IL23R: variants seen among roughly 807,000 people sequenced by gnomAD.
The protein encoded by IL23R is interleukin-23 receptor.
A neutral mutation model predicts 56.9 loss-of-function variants in IL23R; 34 were observed. That is an observed-to-expected ratio of 0.60 (90% CI 0.45 to 0.80). The LOEUF (loss-of-function observed/expected upper bound fraction) is 0.80, where lower values mean the gene tolerates loss of function less well. IL23R is among the 30% of genes least tolerant of loss of function. The pLI is 0.00. For missense variants in IL23R, 635 were observed against 730.0 expected (o/e 0.87, Z 1.50); for synonymous variants, 230 against 249.2 (o/e 0.92, Z 0.73).
At chr1:67,253,757 A>AT (rs1652784808) in intron 9 of IL23R, among the ~76,000 whole-genome samples, 1 of 152,206 alleles carries the variant, frequency 6.6e-6, no homozygotes, top group Non-Finnish European at 1.5e-5. Context: ...TTAATACCCC[A>AT]TAAAAAAATC....
chr1:67,189,071 A>C (rs915400732), intron 4 of IL23R, among the ~76,000 whole-genome samples: 1 of 152,046 alleles, frequency 6.6e-6, no homozygotes, highest in African/African-American at 2.4e-5. Flanking sequence ...TTTTTAAGTA[A>C]TACAATAATT....
chr1:67,171,524 C>G (rs1217533665), intron 3 of IL23R, among the ~76,000 whole-genome samples: 1 of 152,178 alleles, frequency 6.6e-6, no homozygotes, highest in Non-Finnish European at 1.5e-5. Flanking sequence ...TTTATAAAAA[C>G]TACCAGATTG....
intron 6 of IL23R, among the ~76,000 whole-genome samples, chr1:67,217,344 T>G (rs1649913938): frequency 6.6e-6 from 1 of 152,196 alleles, no homozygotes; most frequent in African/African-American, 2.4e-5. Context: ...TATCATGTTG[T>G]ACTTGCAGGG....
intron 1 of IL23R, among the ~76,000 whole-genome samples, chr1:67,159,616 T>C (rs1411905376): frequency 6.6e-6 from 1 of 152,128 alleles, no homozygotes; most frequent in Non-Finnish European, 1.5e-5. Flanking sequence ...AAATAATAAT[T>C]CTCATGCAGT....
rs1653087119 is a variant in IL23R, at chr1:67,258,723, A to G, written c.1485A>G (p.Gly495=). 6.2e-7 allele frequency: 1 copy of G among 1,613,742 alleles called. No individual in the cohort carries two copies. The highest frequency in any genetic ancestry group is 1.3e-5 in the African/African-American group (1 of 75,014). ...KPQISNFLPE[G]SHLSNNNEIT... ...AAATTTCAAATTTTCTGCCTGAGGG[A>G]AGCCATCTCAGCAATAATAATGAAA... Residue 495 remains glycine, a synonymous_variant, in exon 11 of 11, where the codon GGA becomes GGG. Transcript: ENST00000347310.
intron 1 of IL23R, among the ~76,000 whole-genome samples, chr1:67,150,632 A>G (rs1359928290): frequency 2.8e-5 from 4 of 143,922 alleles, no homozygotes; most frequent in Non-Finnish European, 6.0e-5. Context: ...CGTTCTGCAC[A>G]TGTATCCTGG....
chr1:67,237,579 T>C (rs1022173159), intron 8 of IL23R, among the ~76,000 whole-genome samples: 35 of 152,344 alleles, frequency 2.3e-4, no homozygotes, highest in African/African-American at 7.5e-4. Flanking sequence ...TCCTTTTCTT[T>C]CAATGTCCTG....
At chr1:67,167,327 T>G (rs1646885425) in intron 1 of IL23R, among the ~76,000 whole-genome samples, 1 of 152,196 alleles carries the variant, frequency 6.6e-6, no homozygotes, top group African/African-American at 2.4e-5. Flanking sequence ...GGCCTCTGCC[T>G]CCCAAAGTGC....
chr1:67,167,961 T>G (rs1466442800), intron 1 of IL23R, 131 bp from the exon 2 acceptor site: 5 of 626,356 alleles, frequency 8.0e-6, no homozygotes, highest in African/African-American at 1.8e-5. Context: ...CCTTTCTTCC[T>G]TCCTTCTTTC....
chr1:67,162,132 T>C (rs1435506471), upstream of IL23R, among the ~76,000 whole-genome samples: 6 of 151,972 alleles, frequency 3.9e-5, no homozygotes, highest in African/African-American at 1.4e-4. Context: ...ATATAAATTT[T>C]ATCCAATGTT....
At chr1:67,139,677 C>A (rs1471777006) in intron 1 of IL23R, among the ~76,000 whole-genome samples, 1 of 152,142 alleles carries the variant, frequency 6.6e-6, no homozygotes, top group African/African-American at 2.4e-5. Flanking sequence ...CTTTAATCTC[C>A]AGTGTGGCAG....
intron 7 of IL23R, among the ~76,000 whole-genome samples, chr1:67,223,531 C>T (rs936213803): frequency 1.3e-5 from 2 of 152,082 alleles, no homozygotes; most frequent in Non-Finnish European, 2.9e-5. Flanking sequence ...GGAAAGTGCT[C>T]ATGTTAAATC....
intron 5 of IL23R, among the ~76,000 whole-genome samples, chr1:67,204,132 C>T (rs959737583): frequency 2.6e-5 from 4 of 151,994 alleles, no homozygotes; most frequent in Non-Finnish European, 4.4e-5. Flanking sequence ...GGCGCGATCT[C>T]GGCTCACTGC....
intron 7 of IL23R, among the ~76,000 whole-genome samples, chr1:67,224,791 T>A (rs760833995): frequency 1.3e-5 from 2 of 152,204 alleles, no homozygotes; most frequent in Admixed American, 1.3e-4. Context: ...AGAGGCCAAT[T>A]AACAGACTGA....
chr1:67,156,903 A>G (rs926761808), intron 1 of IL23R, among the ~76,000 whole-genome samples: 7 of 152,088 alleles, frequency 4.6e-5, no homozygotes, highest in African/African-American at 1.7e-4. Context: ...AACAGCCGCC[A>G]AGTTTTGTGC....
intron 1 of IL23R, among the ~76,000 whole-genome samples, chr1:67,154,657 A>G (rs1570759876): frequency 6.6e-6 from 1 of 151,854 alleles, no homozygotes; most frequent in Admixed American, 6.6e-5. Flanking sequence ...ATAATCCTCC[A>G]TCCCTTTATT....
chr1:67,211,148 T>C (rs1029959739), intron 6 of IL23R, among the ~76,000 whole-genome samples: 1 of 152,242 alleles, frequency 6.6e-6, no homozygotes, highest in Non-Finnish European at 1.5e-5. Context: ...CATCATTTGA[T>C]TGATAATCAA....
At chr1:67,217,131 A>G (rs1165477397) in intron 6 of IL23R, among the ~76,000 whole-genome samples, 1 of 152,194 alleles carries the variant, frequency 6.6e-6, no homozygotes, top group Non-Finnish European at 1.5e-5. Context: ...CCAGGAACTT[A>G]TATTTAACAT....
intron 7 of IL23R, among the ~76,000 whole-genome samples, chr1:67,228,605 CTT>C (rs1391223831): frequency 1.8e-4 from 28 of 152,036 alleles, no homozygotes; most frequent in Non-Finnish European, 3.8e-4. Context: ...AATTTATTAT[CTT>C]ATAGTTCTGG....
Sources: gnomAD v4.1 joint callset for allele counts (sites outside exome capture counted in the v4.1 genomes callset) on GRCh38, gnomAD v4.1.1 for gene constraint, MANE v1.5 for transcripts, NCBI Gene and HGNC (gene_info 2026-07-23, HGNC 2026-07-21) for gene names.